Variants in WDR45 observed in about 807,000 individuals in gnomAD.
The protein encoded by WDR45 is WD repeat domain 45.
WDR45 carries 2 observed loss-of-function variants against 27.3 expected under a neutral mutation model. The observed-to-expected ratio is 0.07, with a 90% CI of 0.03 to 0.23. WDR45 has a LOEUF of 0.23. Among genes scored for constraint, WDR45 ranks in the 10% least tolerant of loss-of-function variants. The probability of loss-of-function intolerance (pLI) is 1.00; values close to 1 mark genes in which losing one functional copy is unlikely to be tolerated. For missense variants in WDR45, 175 were observed against 311.9 expected, an observed-to-expected ratio of 0.56 and a Z score of 3.31; for synonymous variants, 99 against 119.2, an observed-to-expected ratio of 0.83 and a Z score of 1.11.
At position 49,077,633 on chromosome X, in the gene WDR45, G is replaced by A; in HGVS notation, c.235+10C>T. 3 of 1,186,178 alleles carry A rather than the reference G, an allele frequency of 2.5e-6. No individual in the cohort carries two copies. Among genetic ancestry groups the A allele is most frequent in the Non-Finnish European group, 3.4e-6 (3 of 881,364 alleles). On this transcript the variant is annotated intron_variant, in intron 4 of 10. Transcript: ENST00000376372. ...AAATCTGGGCCAAAGGGCAGGATGA[G>A]GGCACTTACCTGAGATCTCTGAGAA...
intron 2 of WDR45, among the ~76,000 whole-genome samples, chrX:49,097,393 C>T (rs2065129494): frequency 9.9e-6 from 1 of 100,552 alleles, no homozygotes; most frequent in African/African-American, 3.7e-5. Flanking sequence ...GTGGCGTGAT[C>T]TGGGCTCACT....
intron 2 of WDR45, among the ~76,000 whole-genome samples, chrX:49,093,504 A>T (rs2065114480): frequency 9.4e-6 from 1 of 106,859 alleles, no homozygotes; most frequent in Non-Finnish European, 1.9e-5. Context: ...TAGGATTACA[A>T]GCGTGAGCCA....
chrX:49,089,825 G>C (rs1808866631), intron 2 of WDR45, among the ~76,000 whole-genome samples: 1 of 103,587 alleles, frequency 9.7e-6, no homozygotes, highest in African/African-American at 3.5e-5. Context: ...AAAAAAAGAA[G>C]TACTGTACTT....
In WDR45 at chrX:49,090,585, G is replaced by A. The variant is rs188732033; in HGVS notation, c.-18+9620C>T. ...GGAGTTTTTTGCTCTTGTCACCCAG[G>A]CTGGAGCAATGGCACGATCTCAGCT... is the stretch of plus-strand genomic sequence containing the variant. On this transcript the variant is annotated intron_variant, in intron 2 of 11. Coordinates refer to the WDR45 transcript ENST00000356463. Among the ~76,000 whole-genome samples, 355 of 110,633 alleles carry A rather than the reference G, an allele frequency of 3.2e-3. 1 individual carries two copies. Among genetic ancestry groups the A allele is most frequent in the Middle Eastern group, 4.7e-3 (1 of 214 alleles).
chrX:49,092,344 G>A (rs2065110476), intron 2 of WDR45, among the ~76,000 whole-genome samples: 1 of 60,701 alleles, frequency 1.6e-5, no homozygotes, highest in Non-Finnish European at 3.1e-5. Flanking sequence ...GGTTTCATGA[G>A]TGTATGCATA....
chrX:49,075,966 G>A (rs1557084154), intron 6 of WDR45, 21 bp from the exon 7 acceptor site: 6 of 1,173,726 alleles, frequency 5.1e-6, no homozygotes, highest in Admixed American at 2.2e-5. Flanking sequence ...AAGATGGGGG[G>A]TGGGGTGGGC....
chrX:49,076,627 G>A lies in WDR45; in HGVS notation c.341+18C>T, dbSNP rs372370133. On this transcript the variant is annotated intron_variant, in intron 5 of 10. Coordinates refer to ENST00000376372, the MANE Select transcript of WDR45 (RefSeq NM_001029896.2). Reference sequence around the variant, plus strand: ...GTGGGGACCTCCTACCTCCCACCCCGGTCCTCCTCAGGCTCACTTGTCATG... The same window carrying A: ...GTGGGGACCTCCTACCTCCCACCCCAGTCCTCCTCAGGCTCACTTGTCATG... 22 of 1,204,971 alleles carry A rather than the reference G, an allele frequency of 1.8e-5. No individual in the cohort carries two copies. Among genetic ancestry groups the A allele is most frequent in the Non-Finnish European group, 2.1e-5 (19 of 891,117 alleles).
chrX:49,086,206 G>T (rs2065085573), intron 2 of WDR45, among the ~76,000 whole-genome samples: 1 of 111,995 alleles, frequency 8.9e-6, no homozygotes, highest in Admixed American at 9.5e-5. Flanking sequence ...AGGTTGGAGT[G>T]CAATGGCGTG....
In WDR45 at chrX:49,074,528, G is replaced by C. The variant is rs1290546761; in HGVS notation, c.*275C>G. On this transcript the variant is annotated 3_prime_UTR_variant, in exon 11 of 11. Coordinates refer to ENST00000376372, the MANE Select transcript of WDR45 (RefSeq NM_001029896.2). ...TTTAAAAAATCCCCAGGTTGGATTAGGGCACTCCCTCTGGGTCCCTGGCAA... is the reference window on the plus strand; with the variant it reads ...TTTAAAAAATCCCCAGGTTGGATTACGGCACTCCCTCTGGGTCCCTGGCAA... 1.0e-5 allele frequency: 4 copies of C among 387,089 alleles called. No homozygotes were observed. In the East Asian group the frequency reaches 1.6e-4, roughly 16 times the overall value. 31.9% of individuals were successfully genotyped at this position (387,089 alleles called of 1,213,427 possible).
chrX:49,076,403 T>C (rs983180555), intron 6 of WDR45, 27 bp downstream of exon 6: 3 of 1,200,866 alleles, frequency 2.5e-6, no homozygotes, highest in Non-Finnish European at 3.4e-6. Flanking sequence ...TTCATGCCCT[T>C]ACACCTGTGT....
At chrX:49,088,262 C>T (rs1557086193) in intron 2 of WDR45, among the ~76,000 whole-genome samples, 1 of 111,431 alleles carries the variant, frequency 9.0e-6, no homozygotes, top group South Asian at 3.7e-4. Context: ...AAAAAGTTAG[C>T]TGGGCGTGGT....
rs201519480 is a variant in WDR45, at chrX:49,075,897, G to A, written c.485C>T (p.Pro162Leu). 1.2e-5 allele frequency: 15 copies of A among 1,208,203 alleles called. No homozygotes were observed. Among genetic ancestry groups the A allele is most frequent in the African/African-American group, 3.5e-5 (2 of 56,756 alleles). ...TTGCAGACTCCCACACTTGTGTCCC[G>A]GGAACACTAGCAGTTGCTTCTCCAG... The part of the protein sequence containing the change: ...PSLEKQLLVF[P>L]GHKCGSLQLV... Residue 162 changes from proline (P) to leucine (L), a missense_variant, in exon 7 of 11, where the codon CCG becomes CTG. By Grantham distance (98) the Pro-to-Leu change is moderately conservative. Around this residue, in one of 3 missense-constraint regions of WDR45, gnomAD observed 102 missense variants for 165.4 expected, o/e 0.62. Transcript: ENST00000376372.
At chrX:49,081,840 C>G (rs1250546206), upstream of WDR45, among the ~76,000 whole-genome samples, 1 of 105,449 alleles carries the variant, frequency 9.5e-6, no homozygotes, top group East Asian at 3.0e-4. Flanking sequence ...AAAAATTAGC[C>G]GGGCGTGGTG....
intron 2 of WDR45, among the ~76,000 whole-genome samples, chrX:49,089,490 G>A (rs1265108998): frequency 1.8e-5 from 2 of 109,840 alleles, no homozygotes; most frequent in African/African-American, 6.6e-5. Context: ...AGCCTCCTGG[G>A]TTCAAGCGAT....
chrX:49,099,375 G>A (rs1557087782), intron 2 of WDR45, among the ~76,000 whole-genome samples: 1 of 110,966 alleles, frequency 9.0e-6, no homozygotes, highest in Non-Finnish European at 1.9e-5. Context: ...CTGAACCTTT[G>A]AAGAGTGCTA....
chrX:49,089,573 T>C (rs1776320284), intron 2 of WDR45, among the ~76,000 whole-genome samples: 1 of 110,003 alleles, frequency 9.1e-6, no homozygotes, highest in Non-Finnish European at 1.9e-5. Context: ...TATTGTATTT[T>C]TAGTACACAC....
chrX:49,092,936 A>G, intron 2 of WDR45, among the ~76,000 whole-genome samples: 1 of 111,390 alleles, frequency 9.0e-6, no homozygotes, highest in East Asian at 2.8e-4. Context: ...ACTTAGTATT[A>G]TGGTTTTTTT....
chrX:49,098,428 G>A (rs2065133639), intron 2 of WDR45, among the ~76,000 whole-genome samples: 2 of 108,032 alleles, frequency 1.9e-5, no homozygotes, highest in Non-Finnish European at 3.8e-5. Context: ...CCTGGGAGGC[G>A]GAGGTTGCAG....
intron 2 of WDR45, among the ~76,000 whole-genome samples, chrX:49,097,128 A>G (rs2065128310): frequency 9.0e-6 from 1 of 111,627 alleles, no homozygotes; most frequent in Admixed American, 9.7e-5. Flanking sequence ...TAGCATTTGT[A>G]CTTTTCAAAT....
Sources: allele counts gnomAD v4.1 joint callset (sites outside exome capture counted in the v4.1 genomes callset), GRCh38; gene constraint gnomAD v4.1.1; regional missense constraint gnomAD v4.1.1; transcripts MANE v1.5; gene names NCBI Gene and HGNC (gene_info 2026-07-23, HGNC 2026-07-21).